C1QTNF7: variants seen among roughly 807,000 people sequenced by gnomAD.
The protein encoded by C1QTNF7 is C1q and TNF related 7, also known as complement C1q tumor necrosis factor-related protein 7.
C1QTNF7 carries 15 observed loss-of-function variants against 19.6 expected under a neutral mutation model. The ratio of observed to expected loss-of-function variants is 0.76; its 90% CI spans 0.51 to 1.18. The LOEUF is 1.18. Among genes scored for constraint, C1QTNF7 ranks in the 50% most tolerant of loss-of-function variants. C1QTNF7 has a pLI of 0.00. For synonymous variants in C1QTNF7, 142 were observed against 137.5 expected, an observed-to-expected ratio of 1.03 and a Z score of -0.23; for missense variants, 324 against 359.7, an observed-to-expected ratio of 0.90 and a Z score of 0.80.
exon 1 of C1QTNF7, chr4:15,340,102 T>C (rs777959346): frequency 6.6e-5 from 92 of 1,397,630 alleles, no homozygotes; most frequent in Admixed American, 2.0e-4. Context: ...AATAAACACA[T>C]ATTTCTGCTT....
chr4:15,360,987 G>C (rs1236114952), intron 1 of C1QTNF7, among the ~76,000 whole-genome samples: 2 of 152,050 alleles, frequency 1.3e-5, no homozygotes, highest in Non-Finnish European at 2.9e-5. Flanking sequence ...ACAATTGATT[G>C]AATTTAAGGA....
chr4:15,351,518 T>C (rs1716938026), intron 1 of C1QTNF7, among the ~76,000 whole-genome samples: 1 of 152,102 alleles, frequency 6.6e-6, no homozygotes, highest in African/African-American at 2.4e-5. Context: ...ATTACATAAA[T>C]AAAGGAGAGT....
At chr4:15,436,603 G>T (rs1358529026) in intron 2 of C1QTNF7, among the ~76,000 whole-genome samples, 2 of 152,320 alleles carry the variant, frequency 1.3e-5, no homozygotes, top group East Asian at 3.9e-4. Context: ...CTAAAAAGCA[G>T]ATTTTTACAG....
At chr4:15,401,424 A>G (rs2108907812) in intron 1 of C1QTNF7, among the ~76,000 whole-genome samples, 1 of 152,314 alleles carries the variant, frequency 6.6e-6, no homozygotes, top group East Asian at 1.9e-4. Flanking sequence ...GGCCTGGTTA[A>G]CTGAATGCTG....
At chr4:15,397,594 G>A (rs952217944) in intron 1 of C1QTNF7, among the ~76,000 whole-genome samples, 2 of 152,178 alleles carry the variant, frequency 1.3e-5, no homozygotes, top group African/African-American at 4.8e-5. Flanking sequence ...TGTCACACTG[G>A]GCTTGAAGAT....
intron 1 of C1QTNF7, among the ~76,000 whole-genome samples, chr4:15,342,072 A>G (rs1403545236): frequency 6.6e-6 from 1 of 152,234 alleles, no homozygotes; most frequent in Non-Finnish European, 1.5e-5. Context: ...TCTAAGGCGC[A>G]GTCACTGGGG....
chr4:15,408,844 C>T (rs1165632225), intron 1 of C1QTNF7, among the ~76,000 whole-genome samples: 1 of 152,140 alleles, frequency 6.6e-6, no homozygotes, highest in Non-Finnish European at 1.5e-5. Context: ...ATGTGTGTGT[C>T]CACCTCCCAC....
chr4:15,425,072 C>A (rs1464254228), upstream of C1QTNF7, among the ~76,000 whole-genome samples: 1 of 151,902 alleles, frequency 6.6e-6, no homozygotes, highest in Non-Finnish European at 1.5e-5. Context: ...AATAAAAGAA[C>A]AGGATGAGAC....
At chr4:15,388,041 G>T (rs1221897861) in intron 1 of C1QTNF7, among the ~76,000 whole-genome samples, 3 of 152,156 alleles carry the variant, frequency 2.0e-5, no homozygotes, top group Non-Finnish European at 4.4e-5. Context: ...AAGAGGAAAG[G>T]CCAAACACAC....
At chr4:15,365,541 C>T (rs58164867) in intron 1 of C1QTNF7, among the ~76,000 whole-genome samples, 6 of 152,156 alleles carry the variant, frequency 3.9e-5, no homozygotes, top group Non-Finnish European at 7.4e-5. Context: ...CTGTTAGTCA[C>T]AACTCTTTTG....
intron 1 of C1QTNF7, among the ~76,000 whole-genome samples, chr4:15,392,251 G>C (rs896938489): frequency 6.6e-6 from 1 of 152,072 alleles, no homozygotes; most frequent in Non-Finnish European, 1.5e-5. Context: ...AGAAGACTGG[G>C]CTTGCACATT....
chr4:15,352,552 A>G (rs1716976522), intron 1 of C1QTNF7, among the ~76,000 whole-genome samples: 2 of 152,198 alleles, frequency 1.3e-5, no homozygotes, highest in South Asian at 4.1e-4. Flanking sequence ...TGAAAAGTGA[A>G]AATGTATCAG....
intron 1 of C1QTNF7, among the ~76,000 whole-genome samples, chr4:15,389,891 G>A (rs1240433002): frequency 6.6e-6 from 1 of 152,164 alleles, no homozygotes; most frequent in Admixed American, 6.5e-5. Flanking sequence ...AGCAGGGCAG[G>A]TTATGGAGAA....
chr4:15,418,055 G>A (rs760349186), intron 1 of C1QTNF7, among the ~76,000 whole-genome samples: 12 of 152,224 alleles, frequency 7.9e-5, no homozygotes, highest in South Asian at 2.1e-4. Context: ...GGATGAGCCC[G>A]CATGGACAAG....
chr4:15,444,935 G>C lies in C1QTNF7; in HGVS notation c.*2136G>C, dbSNP rs1358184077. ...GAGGATTTATTCATAAGAAAGTGTA[G>C]AGACCCTGTGTATTTCAGAGCTGGA... is the stretch of plus-strand genomic sequence containing the variant. On this transcript the variant is annotated 3_prime_UTR_variant, in exon 3 of 3. Coordinates refer to ENST00000444304, the MANE Select transcript of C1QTNF7 (RefSeq NM_031911.5). 6.6e-6 allele frequency: 1 copy of C among 152,240 alleles called. No individual in the cohort carries two copies. Among genetic ancestry groups the C allele is most frequent in the Non-Finnish European group, 1.5e-5 (1 of 68,056 alleles). The allele number at this position is 152,240 out of a possible 1,614,324, so 9.4% of individuals were successfully genotyped here.
intron 1 of C1QTNF7, among the ~76,000 whole-genome samples, chr4:15,431,622 C>T (rs1212205032): frequency 6.6e-6 from 1 of 152,146 alleles, no homozygotes; most frequent in Non-Finnish European, 1.5e-5. Flanking sequence ...TTTCTTCAAA[C>T]CCCACCTCCC....
chr4:15,360,141 C>T (rs1246096986), intron 1 of C1QTNF7, among the ~76,000 whole-genome samples: 1 of 152,172 alleles, frequency 6.6e-6, no homozygotes, highest in Non-Finnish European at 1.5e-5. Flanking sequence ...ACCACTTAGA[C>T]AGACAGCCAT....
At chr4:15,401,138 A>G (rs1718979323) in intron 1 of C1QTNF7, among the ~76,000 whole-genome samples, 1 of 152,230 alleles carries the variant, frequency 6.6e-6, no homozygotes, top group African/African-American at 2.4e-5. Context: ...TCCATGTTGC[A>G]CAATAGCGAG....
chr4:15,419,296 A>T (rs1446271938), intron 1 of C1QTNF7, among the ~76,000 whole-genome samples: 1 of 152,214 alleles, frequency 6.6e-6, no homozygotes, highest in Non-Finnish European at 1.5e-5. Flanking sequence ...AAAACTTTCA[A>T]TGTAATCTCA....
Sources: allele counts gnomAD v4.1 joint callset (sites outside exome capture counted in the v4.1 genomes callset), GRCh38; gene constraint gnomAD v4.1.1; transcripts MANE v1.5; gene names NCBI Gene and HGNC (gene_info 2026-07-23, HGNC 2026-07-21).